KITLG: variants seen among roughly 807,000 people sequenced by gnomAD.
KITLG encodes the protein KIT ligand, also known as c-Kit ligand.
In KITLG, 13 loss-of-function variants were observed where a neutral mutation model predicts 34.1. The ratio of observed to expected loss-of-function variants is 0.38; its 90% CI spans 0.25 to 0.61. The LOEUF is 0.61. KITLG is among the 20% of genes least tolerant of loss of function. The pLI is 0.60. For synonymous variants in KITLG, 110 were observed against 104.0 expected (o/e 1.06, Z -0.35); for missense variants, 292 against 318.9 (o/e 0.92, Z 0.64).
intron 1 of KITLG, among the ~76,000 whole-genome samples, chr12:88,571,840 C>T (rs1038002082): frequency 6.6e-6 from 1 of 152,134 alleles, no homozygotes; most frequent in African/African-American, 2.4e-5. Context: ...ATAAGCCACA[C>T]TAATGCGCTG....
chr12:88,550,090 A>G (rs1870843620), intron 1 of KITLG, among the ~76,000 whole-genome samples: 1 of 152,236 alleles, frequency 6.6e-6, no homozygotes, highest in African/African-American at 2.4e-5. Flanking sequence ...GCCAGTCTAC[A>G]GTGGGTTTTA....
chr12:88,555,033 T>A (rs1379938838), intron 1 of KITLG, among the ~76,000 whole-genome samples: 1 of 152,088 alleles, frequency 6.6e-6, no homozygotes, highest in East Asian at 1.9e-4. Context: ...TGTTTTAAAA[T>A]ATGGGTGATC....
At chr12:88,524,116 A>G (rs577626248) in intron 3 of KITLG, among the ~76,000 whole-genome samples, 26 of 152,312 alleles carry the variant, frequency 1.7e-4, no homozygotes, top group African/African-American at 6.0e-4. Context: ...CATTTAATCT[A>G]TTCAGGGCTT....
chr12:88,549,345 A>G (rs757823290), intron 1 of KITLG, among the ~76,000 whole-genome samples: 1 of 152,264 alleles, frequency 6.6e-6, no homozygotes, highest in East Asian at 1.9e-4. Flanking sequence ...TATAATAAAA[A>G]TAGACTTTAG....
Position 88,525,411 on chromosome 12 carries a change from T to C in KITLG, c.193-6544A>G, listed in dbSNP as rs1592846539. Among the ~76,000 whole-genome samples, 4 of 152,332 alleles carry C rather than the reference T, an allele frequency of 2.6e-5. No individual in the cohort carries two copies. The South Asian group carries it at 8.3e-4, about 32-fold the overall frequency. On this transcript the variant is annotated intron_variant, in intron 3 of 9. Transcript: ENST00000644744. ...TAGCATTTTTGCCAAGAGTTAAATG[T>C]TTATTCATAACTATTTTTTGAGGAG...
intron 2 of KITLG, among the ~76,000 whole-genome samples, chr12:88,539,213 C>A (rs908421248): frequency 2.0e-5 from 3 of 152,100 alleles, no homozygotes; most frequent in African/African-American, 7.2e-5. Flanking sequence ...TCAGTGGCCA[C>A]CTTGGACATC....
rs761786006 is a variant in KITLG, at chr12:88,516,384, G to A, written c.470C>T (p.Ala157Val). ...SIDAFKDFVV[A>V]SETSDCVVSS... ...AACCACACAATCACTAGTTTCAGAT[G>A]CCACTACAAAGTCCTTGAAGGCATC... is the stretch of plus-strand genomic sequence containing the variant. The change falls in exon 5 of 10, where the codon GCA (alanine) becomes GTA (valine). Residue 157 changes from alanine (A) to valine (V), a missense_variant. Physicochemically the swap from Ala to Val is moderately conservative, Grantham distance 64 (BLOSUM62 0). Coordinates refer to ENST00000644744, the MANE Select transcript of KITLG (RefSeq NM_000899.5). 1.2e-6 allele frequency: 2 copies of A among 1,611,062 alleles called. No individual in the cohort carries two copies. Among genetic ancestry groups the A allele is most frequent in the African/African-American group, 2.7e-5 (2 of 74,782 alleles).
At chr12:88,567,387 CA>C (rs1363246693) in intron 1 of KITLG, among the ~76,000 whole-genome samples, 2 of 152,164 alleles carry the variant, frequency 1.3e-5, no homozygotes, top group Non-Finnish European at 2.9e-5. Flanking sequence ...CTCTCTTTCA[CA>C]AGTGTTTTGA....
At chr12:88,497,571 C>A (rs1868690108) in intron 9 of KITLG, among the ~76,000 whole-genome samples, 1 of 152,092 alleles carries the variant, frequency 6.6e-6, no homozygotes, top group Non-Finnish European at 1.5e-5. Flanking sequence ...GACATTCTAC[C>A]AATGATCTCA....
chr12:88,569,266 G>C (rs1414111746), intron 1 of KITLG, among the ~76,000 whole-genome samples: 1 of 152,044 alleles, frequency 6.6e-6, no homozygotes, highest in Non-Finnish European at 1.5e-5. Flanking sequence ...CTTTGCTCTA[G>C]GTAAACTCTT....
rs957369276 is a variant in KITLG at position 88,493,364 on chromosome 12, T to C, written c.*3855A>G. 1.3e-5 allele frequency: 2 copies of C among 152,296 alleles called. No homozygotes were observed. Among genetic ancestry groups the C allele is most frequent in the African/African-American group, 4.8e-5 (2 of 41,400 alleles). The allele number at this position is 152,296 out of a possible 1,614,324, so 9.4% of individuals were successfully genotyped here. On this transcript the variant is annotated 3_prime_UTR_variant, in exon 10 of 10. Coordinates refer to ENST00000644744, the MANE Select transcript of KITLG (RefSeq NM_000899.5). ...CAAATATCCATTTTAGCATGGATTA[T>C]TTCTTGAAAAAAACACCTTGTTATA... is the stretch of plus-strand genomic sequence containing the variant.
intron 1 of KITLG, among the ~76,000 whole-genome samples, chr12:88,562,547 A>G (rs187866040): frequency 6.6e-6 from 1 of 152,366 alleles, no homozygotes; most frequent in East Asian, 1.9e-4. Context: ...GAATGAGTGA[A>G]GGATAAACAG....
intron 2 of KITLG, among the ~76,000 whole-genome samples, chr12:88,544,552 C>T (rs1487889288): frequency 2.0e-5 from 3 of 151,208 alleles, no homozygotes; most frequent in Non-Finnish European, 2.9e-5. Flanking sequence ...CATCCCTATA[C>T]ACAATAGCTA....
intron 1 of KITLG, among the ~76,000 whole-genome samples, chr12:88,550,964 A>AT (rs1253247500): frequency 5.9e-5 from 9 of 151,938 alleles, no homozygotes. Flanking sequence ...GGCAACATAA[A>AT]TTTTTTTTGC....
rs1192380646 is a variant in KITLG at position 88,568,795 on chromosome 12, A to G, written c.15+11469T>C. ...GATTACAAATTAGGTATATAACATT[A>G]TTTCCAGGTTTTTAAAAAAAAGAAG... On this transcript the variant is annotated intron_variant, in intron 1 of 9. Transcript: ENST00000644744. Among the ~76,000 whole-genome samples the G allele has an allele frequency of 3.3e-5, 5 of 152,140 alleles. No homozygotes were observed. In the South Asian group the frequency reaches 8.3e-4, roughly 25 times the overall value.
chr12:88,508,583 G>T (rs1869156619), intron 6 of KITLG, among the ~76,000 whole-genome samples: 1 of 151,430 alleles, frequency 6.6e-6, no homozygotes, highest in South Asian at 2.1e-4. Flanking sequence ...GTGTGTGTGT[G>T]TTGGGGGAGG....
Position 88,493,900 on chromosome 12 carries a change from G to C in KITLG, c.*3319C>G, listed in dbSNP as rs1221295564. On this transcript the variant is annotated 3_prime_UTR_variant, in exon 10 of 10. Coordinates refer to ENST00000644744, the MANE Select transcript of KITLG (RefSeq NM_000899.5). ...TGGTGATCCAATTCACCCTACTTAA[G>C]ACTGAATTTCACTTTTACTAATGGA... 1 of 151,854 alleles carries C rather than the reference G, an allele frequency of 6.6e-6. No homozygotes were observed. Among genetic ancestry groups the C allele is most frequent in the African/African-American group, 2.4e-5 (1 of 41,408 alleles). The allele number at this position is 151,854 out of a possible 1,614,324, so 9.4% of individuals were successfully genotyped here.
intron 8 of KITLG, 80 bp downstream of exon 8, chr12:88,506,231 A>G: frequency 1.0e-6 from 1 of 970,104 alleles, no homozygotes; most frequent in Non-Finnish European, 1.7e-6. Flanking sequence ...GGACTTCTTA[A>G]AGACATTATG....
chr12:88,533,684 C>T (rs907469676), intron 2 of KITLG, among the ~76,000 whole-genome samples: 12 of 152,148 alleles, frequency 7.9e-5, no homozygotes, highest in African/African-American at 2.7e-4. Flanking sequence ...TTTTCCTTCA[C>T]CTTGTCTCTA....
Sources: allele counts gnomAD v4.1 joint callset (sites outside exome capture counted in the v4.1 genomes callset), GRCh38; gene constraint gnomAD v4.1.1; transcripts MANE v1.5; gene names NCBI Gene and HGNC (gene_info 2026-07-23, HGNC 2026-07-21).